Variants in CHCHD4 observed in about 807,000 individuals in gnomAD.
The protein encoded by CHCHD4 is mitochondrial intermembrane space import and assembly protein 40.
CHCHD4 carries 7 observed loss-of-function variants against 12.4 expected under a neutral mutation model. The ratio of observed to expected loss-of-function variants is 0.57; its 90% CI spans 0.32 to 1.06. The LOEUF is 1.06. CHCHD4 is among the 50% of genes least tolerant of loss of function. The probability of loss-of-function intolerance (pLI) is 0.04; values close to 1 mark genes in which losing one functional copy is unlikely to be tolerated. For missense variants in CHCHD4, 143 were observed against 175.1 expected (o/e 0.82, Z 1.03); for synonymous variants, 56 against 58.0 (o/e 0.97, Z 0.16).
intron 1 of CHCHD4, among the ~76,000 whole-genome samples, chr3:14,123,964 G>A (rs1360192827): frequency 6.6e-6 from 1 of 152,236 alleles, no homozygotes; most frequent in East Asian, 1.9e-4. Context: ...GATTGGATAA[G>A]GCTCTTCTGG....
chr3:14,116,548 G>GAT, intron 1 of CHCHD4, 24 bp from the exon 2 acceptor site: 1 of 1,537,178 alleles, frequency 6.5e-7, no homozygotes, highest in Non-Finnish European at 9.0e-7. Flanking sequence ...AACAGAGGAA[G>GAT]AAATATTTCA....
intron 1 of CHCHD4, among the ~76,000 whole-genome samples, chr3:14,123,482 GCAGA>G (rs778271435): frequency 6.6e-6 from 1 of 152,250 alleles, no homozygotes; most frequent in Non-Finnish European, 1.5e-5. Context: ...GGTTCTAGAA[GCAGA>G]CAGCGCCACC....
chr3:14,124,673 A>AC lies in CHCHD4; in HGVS notation c.3dup (p.Ser2ValfsTer20). On this transcript the variant is annotated frameshift_variant, in exon 1 of 3. Coordinates refer to ENST00000396914, the MANE Select transcript of CHCHD4 (RefSeq NM_001098502.2). LOFTEE classifies it high-confidence loss of function. ...TCCCTACCTTCCTGCCGGCAATAGGACATGGCTGCAGCCCGTCCCTGAGAC... is the reference window on the plus strand; with the variant it reads ...TCCCTACCTTCCTGCCGGCAATAGGACCATGGCTGCAGCCCGTCCCTGAGAC... The AC allele has an allele frequency of 6.5e-7, 1 of 1,529,844 alleles. No individual in the cohort carries two copies. Among genetic ancestry groups the AC allele is most frequent in the Non-Finnish European group, 8.8e-7 (1 of 1,140,830 alleles). 94.8% of individuals were successfully genotyped at this position (1,529,844 alleles called of 1,614,324 possible).
chr3:14,124,607 C>T, intron 1 of CHCHD4, 48 bp downstream of exon 1: 1 of 1,467,848 alleles, frequency 6.8e-7, no homozygotes, highest in South Asian at 1.3e-5. Flanking sequence ...CCGCGTGTCT[C>T]CCGCAGGCCC....
intron 1 of CHCHD4, among the ~76,000 whole-genome samples, chr3:14,119,735 A>G (rs1008226237): frequency 6.6e-6 from 1 of 152,224 alleles, no homozygotes; most frequent in Non-Finnish European, 1.5e-5. Flanking sequence ...AGTGGCTTCA[A>G]TATTTCAATA....
chr3:14,121,060 CCAAGA>C (rs953068077), intron 1 of CHCHD4, among the ~76,000 whole-genome samples: 3 of 152,172 alleles, frequency 2.0e-5, no homozygotes, highest in Admixed American at 1.3e-4. Flanking sequence ...GCATATCCCC[CCAAGA>C]CTGCTTTTAG....
chr3:14,124,663 C>A lies in CHCHD4; in HGVS notation c.14G>T (p.Arg5Leu). MSYC[R>L]QEGKDRIIFV... ...CAGCCCGCCCTCCCTACCTTCCTGC[C>A]GGCAATAGGACATGGCTGCAGCCCG... The change falls in exon 1 of 3, where the codon CGG becomes CTG. Residue 5 changes from arginine (R) to leucine (L), a missense_variant. Arg to Leu is a moderately radical substitution (Grantham distance 102). Coordinates refer to ENST00000396914, the MANE Select transcript of CHCHD4 (RefSeq NM_001098502.2). The A allele has an allele frequency of 6.5e-7, 1 of 1,526,726 alleles. No individual in the cohort carries two copies. Among genetic ancestry groups the A allele is most frequent in the East Asian group, 2.7e-5 (1 of 37,334 alleles). 94.6% of individuals were successfully genotyped at this position (1,526,726 alleles called of 1,614,324 possible).
chr3:14,112,840 A>G lies in CHCHD4; in HGVS notation c.*47T>C. 1.9e-6 allele frequency: 3 copies of G among 1,543,078 alleles called. No homozygotes were observed. Among genetic ancestry groups the G allele is most frequent in the Non-Finnish European group, 2.6e-6 (3 of 1,143,270 alleles). The stretch of plus-strand genomic sequence containing the variant: ...GAAGGTGATGACAAGGCCTTTTGCA[A>G]AAGGTCCACTCCAAAAGGACTGGTG... On this transcript the variant is annotated 3_prime_UTR_variant, in exon 3 of 3. Transcript: ENST00000396914.
In CHCHD4 at chr3:14,112,214, G is replaced by C. The variant is rs2124973909; in HGVS notation, c.*673C>G. The C allele has an allele frequency of 6.6e-6, 1 of 152,250 alleles. No individual in the cohort carries two copies. Among genetic ancestry groups the C allele is most frequent in the African/African-American group, 2.4e-5 (1 of 41,536 alleles). The allele number at this position is 152,250 out of a possible 1,614,324, so 9.4% of individuals were successfully genotyped here. A position where few individuals can be genotyped will look rare whatever the true frequency, so the allele number is the denominator to read the frequency against. On this transcript the variant is annotated 3_prime_UTR_variant, in exon 3 of 3. Transcript: ENST00000396914. ...CTAGACTGAGAGCCAGTGTGAACAT[G>C]GGCCCCAAACCAGGGCTTTCGGAAT...
chr3:14,116,372 G>A, intron 2 of CHCHD4, 54 bp downstream of exon 2: 1 of 1,191,358 alleles, frequency 8.4e-7, no homozygotes, highest in African/African-American at 1.5e-5. Context: ...TAAGAACACT[G>A]AGCTTCTCCC....
chr3:14,124,319 A>C (rs1694976128), intron 1 of CHCHD4, among the ~76,000 whole-genome samples: 1 of 152,092 alleles, frequency 6.6e-6, no homozygotes, highest in Admixed American at 6.5e-5. Context: ...ATTAACCACC[A>C]TACATTCCCA....
chr3:14,117,818 A>T (rs549193667), intron 1 of CHCHD4, among the ~76,000 whole-genome samples: 4 of 152,324 alleles, frequency 2.6e-5, no homozygotes, highest in South Asian at 4.1e-4. Context: ...GCCACACAGG[A>T]CAGGATGCTC....
intron 2 of CHCHD4, among the ~76,000 whole-genome samples, chr3:14,113,626 G>GC (rs1412859760): frequency 7.0e-5 from 10 of 142,542 alleles, no homozygotes; most frequent in African/African-American, 2.3e-4. Context: ...CATGCTCCCT[G>GC]CCCCCCTGAG....
chr3:14,114,702 G>A (rs1159204428), intron 2 of CHCHD4, among the ~76,000 whole-genome samples: 1 of 152,138 alleles, frequency 6.6e-6, no homozygotes, highest in African/African-American at 2.4e-5. Context: ...TAGGTCTCCA[G>A]GAGTCCTTGT....
At chr3:14,118,381 A>G (rs1694897638) in intron 1 of CHCHD4, among the ~76,000 whole-genome samples, 1 of 152,250 alleles carries the variant, frequency 6.6e-6, no homozygotes, top group Non-Finnish European at 1.5e-5. Context: ...GAAAGCAAGG[A>G]AAAAGGTTTG....
rs751603481 is a variant in CHCHD4 at position 14,122,118 on chromosome 3, TTCGC to T, written c.22+2533_22+2536del. 3 of 1,545,210 alleles carry T rather than the reference TTCGC, an allele frequency of 1.9e-6. No homozygotes were observed. The African/African-American group carries it at 4.1e-5, about 21-fold the overall frequency. ...GGCAAAAGGAGGGTTTTAAGTAGTG[TTCGC>T]TCACACGTGTTTAGGATTGCAAAAG... is the stretch of plus-strand genomic sequence containing the variant. On this transcript the variant is annotated intron_variant, in intron 1 of 2. Coordinates refer to ENST00000396914, the MANE Select transcript of CHCHD4 (RefSeq NM_001098502.2).
Position 14,124,833 on chromosome 3 carries a change from C to T in CHCHD4, c.-157G>A. ...GCCCGCCGCGCGCCTGCCTCGGCGC[C>T]CTCGCAACCGCGGCCAGGCCAACCT... On this transcript the variant is annotated 5_prime_UTR_variant, in exon 1 of 3. Transcript: ENST00000396914. The T allele has an allele frequency of 1.1e-6, 1 of 880,142 alleles. No homozygotes were observed. The highest frequency in any genetic ancestry group is 1.7e-6 in the Non-Finnish European group (1 of 591,248). The allele number at this position is 880,142 out of a possible 1,614,324, so 54.5% of individuals were successfully genotyped here. A position where few individuals can be genotyped will look rare whatever the true frequency, so the allele number is the denominator to read the frequency against.
rs1234250488 is a variant in CHCHD4 at position 14,116,530 on chromosome 3, G to A, written c.23-6C>T. The A allele has an allele frequency of 1.9e-6, 3 of 1,589,832 alleles. No individual in the cohort carries two copies. The highest frequency in any genetic ancestry group is 1.1e-5 in the South Asian group (1 of 90,588). On this transcript the variant is annotated splice_region_variant and splice_polypyrimidine_tract_variant and intron_variant, in intron 1 of 2. Coordinates refer to ENST00000396914, the MANE Select transcript of CHCHD4 (RefSeq NM_001098502.2). ...AAATATGATTCGATCCTTCCCTAGT[G>A]TTTGGAGAACAGAGGAAGAAATATT...
intron 1 of CHCHD4, 140 bp from the exon 2 acceptor site, chr3:14,116,664 C>T: frequency 1.4e-6 from 1 of 690,196 alleles, no homozygotes; most frequent in African/African-American, 1.8e-5. Context: ...TCAAACTGCT[C>T]TCATATGCTA....
Sources: allele counts gnomAD v4.1 joint callset (sites outside exome capture counted in the v4.1 genomes callset), GRCh38; gene constraint gnomAD v4.1.1; transcripts MANE v1.5; gene names NCBI Gene and HGNC (gene_info 2026-07-23, HGNC 2026-07-21).